Variants in NXPE3 observed in about 807,000 individuals in gnomAD.
NXPE3 encodes NXPE family member 3.
In NXPE3, 26 loss-of-function variants were observed where a neutral mutation model predicts 46.1. The ratio of observed to expected loss-of-function variants is 0.56; its 90% CI spans 0.41 to 0.78. The LOEUF is 0.78. Among genes scored for constraint, NXPE3 ranks in the 30% least tolerant of loss-of-function variants. The probability of loss-of-function intolerance (pLI) is 0.00; values close to 1 mark genes in which losing one functional copy is unlikely to be tolerated. For missense variants in NXPE3, 620 were observed against 686.0 expected (o/e 0.90, Z 1.07); for synonymous variants, 272 against 257.9 (o/e 1.05, Z -0.52).
chr3:101,816,140 G>A (rs1017172311), intron 6 of NXPE3, among the ~76,000 whole-genome samples: 38 of 152,138 alleles, frequency 2.5e-4, no homozygotes, highest in African/African-American at 9.2e-4. Context: ...CTCCAGCCTG[G>A]GCAAAAAGAG....
intron 5 of NXPE3, among the ~76,000 whole-genome samples, chr3:101,806,463 A>C (rs1277654450): frequency 6.6e-6 from 1 of 152,034 alleles, no homozygotes; most frequent in African/African-American, 2.4e-5. Flanking sequence ...ATGAGGCACC[A>C]CCCTTATCTT....
intron 4 of NXPE3, among the ~76,000 whole-genome samples, chr3:101,792,957 T>G (rs1266092462): frequency 6.6e-6 from 1 of 152,224 alleles, no homozygotes; most frequent in Non-Finnish European, 1.5e-5. Context: ...TGTTTTGTAA[T>G]TCTCATTTTA....
At chr3:101,809,655 A>G (rs79185957) in intron 6 of NXPE3, among the ~76,000 whole-genome samples, 446 of 152,096 alleles carry the variant, frequency 2.9e-3, no homozygotes, top group Non-Finnish European at 5.3e-3. Context: ...GTGTAGACTC[A>G]TGAAAATTTC....
intron 5 of NXPE3, 122 bp from the exon 6 acceptor site, chr3:101,806,931 A>ACCAAC (rs1941445430): frequency 1.4e-6 from 1 of 710,772 alleles, no homozygotes. Context: ...TAACATTCAT[A>ACCAAC]AGTATATTTC....
intron 7 of NXPE3, among the ~76,000 whole-genome samples, chr3:101,819,012 G>A (rs200668120): frequency 6.6e-6 from 1 of 151,680 alleles, no homozygotes; most frequent in East Asian, 1.9e-4. Flanking sequence ...TGAGCTGCTT[G>A]CTTTGCCCTC....
chr3:101,817,189 C>T (rs1198732798), intron 7 of NXPE3, among the ~76,000 whole-genome samples, 188 bp downstream of exon 7: 1 of 152,202 alleles, frequency 6.6e-6, no homozygotes, highest in Non-Finnish European at 1.5e-5. Context: ...GTGTTGTACT[C>T]ATGGAAGCAC....
chr3:101,802,424 C>T (rs1199640227), intron 5 of NXPE3, among the ~76,000 whole-genome samples: 1 of 149,860 alleles, frequency 6.7e-6, no homozygotes, highest in African/African-American at 2.5e-5. Context: ...TTGAGACCAG[C>T]CTGGGCAACA....
Position 101,816,973 on chromosome 3 carries a change from G to A in NXPE3, c.1101G>A (p.Trp367Ter). ...TTGGTGACTCAACAATCAGGCAATG[G>A]TTTGAATACCTTACTACATTTGTTC... is the stretch of plus-strand genomic sequence containing the variant. ...HLFGDSTIRQWFEYLTTFVPD... is the reference protein window; with the variant it reads ...HLFGDSTIRQ Residue 367 changes from tryptophan (W) to a stop codon, truncating the protein, a stop_gained, in exon 7 of 8, where the codon TGG becomes TGA. Transcript: ENST00000273347. LOFTEE classifies it high-confidence loss of function. The A allele has an allele frequency of 6.2e-7, 1 of 1,614,140 alleles. No individual in the cohort carries two copies. The highest frequency in any genetic ancestry group is 1.1e-5 in the South Asian group (1 of 91,082).
chr3:101,815,635 G>T (rs941748053), intron 6 of NXPE3, among the ~76,000 whole-genome samples: 2 of 152,114 alleles, frequency 1.3e-5, no homozygotes, highest in Non-Finnish European at 2.9e-5. Flanking sequence ...AGGTCGAGGC[G>T]GGCGGATCAC....
At chr3:101,817,105 T>C (rs1328580002) in intron 7 of NXPE3, 104 bp downstream of exon 7, 3 of 990,732 alleles carry the variant, frequency 3.0e-6, no homozygotes, top group Non-Finnish European at 3.2e-6. Flanking sequence ...AGGAAACATA[T>C]ATTTCTGTGT....
At chr3:101,803,261 C>A (rs1941251641) in intron 5 of NXPE3, among the ~76,000 whole-genome samples, 1 of 152,026 alleles carries the variant, frequency 6.6e-6, no homozygotes, top group Middle Eastern at 3.2e-3. Flanking sequence ...TTTGTAGGAG[C>A]TCCTAAAATA....
intron 5 of NXPE3, among the ~76,000 whole-genome samples, 178 bp downstream of exon 5, chr3:101,802,167 T>TA (rs1018370434): frequency 2.0e-5 from 3 of 152,332 alleles, no homozygotes; most frequent in African/African-American, 7.2e-5. Context: ...ATTAGTGTTT[T>TA]AAAAATGAAG....
Position 101,807,090 on chromosome 3 carries a change from C to T in NXPE3, c.886C>T (p.Pro296Ser). Residue 296 changes from proline (P) to serine (S), a missense_variant, in exon 6 of 8, where the codon CCT (proline) becomes TCT (serine). Coordinates refer to ENST00000273347, the MANE Select transcript of NXPE3 (RefSeq NM_145037.4). ...CAAAATGCCAGTCAACTCCAGTGGA[C>T]CTGATTGGGTAACTGTGATTCCCAG... ...NIKMPVNSSGPDWVTVIPRRI... is the reference protein window; with the variant it reads ...NIKMPVNSSGSDWVTVIPRRI... 1 of 1,613,338 alleles carries T rather than the reference C, an allele frequency of 6.2e-7. No homozygotes were observed. The highest frequency in any genetic ancestry group is 8.5e-7 in the Non-Finnish European group (1 of 1,179,478).
Position 101,824,208 on chromosome 3 carries a change from A to G in NXPE3, c.*2254A>G, listed in dbSNP as rs1048477340. On this transcript the variant is annotated 3_prime_UTR_variant, in exon 8 of 8. Transcript: ENST00000273347. ...TTCTGATGCAATGGTGGTATTCCACACTGTGAGAAACACTAAGAGAAGAGG... is the reference window on the plus strand; with the variant it reads ...TTCTGATGCAATGGTGGTATTCCACGCTGTGAGAAACACTAAGAGAAGAGG... 7 of 152,140 alleles carry G rather than the reference A, an allele frequency of 4.6e-5. No homozygotes were observed. 9.4% of individuals were successfully genotyped at this position (152,140 alleles called of 1,614,324 possible).
chr3:101,790,140 C>T (rs1940417719), intron 4 of NXPE3, among the ~76,000 whole-genome samples: 1 of 152,114 alleles, frequency 6.6e-6, no homozygotes, highest in Non-Finnish European at 1.5e-5. Flanking sequence ...TTGTTTATGG[C>T]ACAAAATATG....
chr3:101,821,878 A>T lies in NXPE3; in HGVS notation c.1604A>T (p.Lys535Met), dbSNP rs913523734. 1.2e-6 allele frequency: 2 copies of T among 1,614,046 alleles called. No homozygotes were observed. The highest frequency in any genetic ancestry group is 1.7e-6 in the Non-Finnish European group (2 of 1,180,048). ...EMTLAHYLPHKLHPDEVIVKN... is the reference protein window; with the variant it reads ...EMTLAHYLPHMLHPDEVIVKN... ...ACCCTGGCCCATTATCTACCGCACA[A>T]GCTGCATCCAGATGAAGTTATTGTG... is the stretch of plus-strand genomic sequence containing the variant. The change falls in exon 8 of 8, where the codon AAG becomes ATG. Residue 535 changes from lysine to methionine, a missense_variant. Coordinates refer to ENST00000273347, the MANE Select transcript of NXPE3 (RefSeq NM_145037.4).
At chr3:101,811,086 G>T (rs1186690656) in intron 6 of NXPE3, among the ~76,000 whole-genome samples, 1 of 152,170 alleles carries the variant, frequency 6.6e-6, no homozygotes, top group Non-Finnish European at 1.5e-5. Context: ...CTCCCAAAGT[G>T]CTGGGATTAC....
intron 7 of NXPE3, among the ~76,000 whole-genome samples, chr3:101,817,658 C>T (rs1942031977): frequency 6.6e-6 from 1 of 152,076 alleles, no homozygotes; most frequent in African/African-American, 2.4e-5. Flanking sequence ...ACCCCTTCTT[C>T]ACAAGGGCAT....
intron 4 of NXPE3, among the ~76,000 whole-genome samples, chr3:101,794,555 A>G (rs1368874476): frequency 6.6e-6 from 1 of 152,190 alleles, no homozygotes. Flanking sequence ...ATGGAGTAGG[A>G]TGGCAGAGGG....
Sources: gnomAD v4.1 joint callset for allele counts (sites outside exome capture counted in the v4.1 genomes callset) on GRCh38, gnomAD v4.1.1 for gene constraint, MANE v1.5 for transcripts, NCBI Gene and HGNC (gene_info 2026-07-23, HGNC 2026-07-21) for gene names.